Variants in ERMP1 observed in about 807,000 individuals in gnomAD.
ERMP1 encodes the protein Felix-ina.
A neutral mutation model predicts 92.0 loss-of-function variants in ERMP1; 86 were observed. The ratio of observed to expected loss-of-function variants is 0.93; its 90% CI spans 0.79 to 1.12. ERMP1 has a LOEUF of 1.12. ERMP1 is among the 50% of genes most tolerant of loss of function. The pLI is 0.00. For missense variants in ERMP1, 1,342 were observed against 1,116.3 expected, an observed-to-expected ratio of 1.20 and a Z score of -2.88; for synonymous variants, 530 against 412.8, an observed-to-expected ratio of 1.28 and a Z score of -3.44.
chr9:5,866,542 T>C (rs1830669126), intron 5 of ERMP1, among the ~76,000 whole-genome samples: 1 of 152,162 alleles, frequency 6.6e-6, no homozygotes, highest in Admixed American at 6.5e-5. Flanking sequence ...ACACAGATTA[T>C]CTCACCTCCC....
At position 5,861,611 on chromosome 9, in the gene ERMP1, C is replaced by A. The variant is rs905723587; in HGVS notation, n.3056-2000G>T. Among the ~76,000 whole-genome samples the A allele has an allele frequency of 7.9e-5, 12 of 150,946 alleles. No homozygotes were observed. In the Admixed American group the frequency reaches 8.0e-4, roughly 10 times the overall value. The stretch of plus-strand genomic sequence containing the variant: ...CAAGACAGGGCCTCTGGAAACCTGG[C>A]AAGAGACGGAGATGGAAAGTACTAA... On this transcript the variant is annotated intron_variant and non_coding_transcript_variant, in intron 5 of 6. Coordinates refer to the ERMP1 transcript ENST00000690753.
chr9:5,813,599 G>C (rs1297697393), intron 4 of ERMP1, among the ~76,000 whole-genome samples: 3 of 151,924 alleles, frequency 2.0e-5, no homozygotes, highest in Non-Finnish European at 4.4e-5. Context: ...GAACATTTTT[G>C]AGCATCATGT....
At position 5,810,185 on chromosome 9, in the gene ERMP1, C is replaced by A; in HGVS notation, c.1374G>T (p.Leu458Phe). The change falls in exon 8 of 15, where the codon TTG becomes TTT. Residue 458 changes from leucine to phenylalanine, a missense_variant. Transcript: ENST00000339450. ...TAACAAGGCTAGTGAACCAGCTGAT[C>A]AAAGTGATGCCAAGTCCACACAAGA... ...KDFLCGLGIT[L>F]ISWFTSLVTV... The A allele has an allele frequency of 6.2e-7, 1 of 1,614,032 alleles. No homozygotes were observed. The highest frequency in any genetic ancestry group is 1.1e-5 in the South Asian group (1 of 91,066).
At chr9:5,811,567 C>T (rs777131318) in intron 6 of ERMP1, among the ~76,000 whole-genome samples, 1 of 152,200 alleles carries the variant, frequency 6.6e-6, no homozygotes, top group Non-Finnish European at 1.5e-5. Context: ...TTCCTCTCCA[C>T]TCAGACGCTC....
chr9:5,851,624 C>T (rs1830307789), intron 6 of ERMP1, among the ~76,000 whole-genome samples: 1 of 152,164 alleles, frequency 6.6e-6, no homozygotes, highest in Non-Finnish European at 1.5e-5. Context: ...CTTAAAGGAA[C>T]TTCCTTCTAT....
intron 5 of ERMP1, among the ~76,000 whole-genome samples, chr9:5,812,433 A>G (rs1291149135): frequency 2.0e-5 from 3 of 152,216 alleles, no homozygotes; most frequent in Non-Finnish European, 4.4e-5. Context: ...TTGAAGAAGT[A>G]TATTACTCCA....
intron 10 of ERMP1, among the ~76,000 whole-genome samples, chr9:5,801,844 A>C (rs1168408498): frequency 6.6e-6 from 1 of 152,262 alleles, no homozygotes; most frequent in African/African-American, 2.4e-5. Context: ...ATTACAAAGT[A>C]ATATTATCCC....
At chr9:5,795,471 G>T (rs1431924624) in intron 13 of ERMP1, among the ~76,000 whole-genome samples, 1 of 152,176 alleles carries the variant, frequency 6.6e-6, no homozygotes, top group Non-Finnish European at 1.5e-5. Flanking sequence ...TGATAAGATT[G>T]TCTATTCATA....
intron 9 of ERMP1, 24 bp from the exon 10 acceptor site, chr9:5,805,241 A>T: frequency 6.4e-7 from 1 of 1,563,510 alleles, no homozygotes; most frequent in South Asian, 1.1e-5. Flanking sequence ...GAAAAAAAGC[A>T]CACATCTATG....
chr9:5,813,832 T>C lies in ERMP1; in HGVS notation c.875-797A>G, dbSNP rs1412092423. Among the ~76,000 whole-genome samples, 6 of 149,814 alleles carry C rather than the reference T, an allele frequency of 4.0e-5. No homozygotes were observed. The South Asian group carries it at 1.3e-3, about 31-fold the overall frequency. ...TCAAATGGGAGTTTTTCCTGTAGGA[T>C]AGTGGGATACATTGTTTTATAATTT... is the stretch of plus-strand genomic sequence containing the variant. On this transcript the variant is annotated intron_variant, in intron 4 of 14. Transcript: ENST00000339450.
intron 11 of ERMP1, among the ~76,000 whole-genome samples, chr9:5,800,278 A>G (rs1210522058): frequency 6.6e-6 from 1 of 152,194 alleles, no homozygotes; most frequent in Non-Finnish European, 1.5e-5. Context: ...ATTTAGAAAA[A>G]CTAACAATTT....
chr9:5,787,362 C>G, intron 14 of ERMP1, 54 bp from the exon 15 acceptor site: 1 of 1,602,378 alleles, frequency 6.2e-7, no homozygotes, highest in Non-Finnish European at 8.5e-7. Context: ...AATACTGAAC[C>G]CAAGGTTCTT....
At position 5,824,007 on chromosome 9, in the gene ERMP1, A is replaced by G. The variant is rs755986417; in HGVS notation, c.769-6T>C. 6.9e-6 allele frequency: 11 copies of G among 1,598,138 alleles called. No individual in the cohort carries two copies. The highest frequency in any genetic ancestry group is 5.6e-5 in the South Asian group (5 of 88,956). ...GTAATGAAACCATGACTGGCCTTAA[A>G]GAGAAGGAAAGAAAACAAATATTTG... On this transcript the variant is annotated splice_region_variant and splice_polypyrimidine_tract_variant and intron_variant, in intron 3 of 14. Transcript: ENST00000339450.
At position 5,825,143 on chromosome 9, in the gene ERMP1, C is replaced by T; in HGVS notation, c.717G>A (p.Leu239=). The change falls in exon 3 of 15, where the codon TTG becomes TTA. Residue 239 remains leucine, a synonymous_variant. Transcript: ENST00000339450. ...LRVLSTSSEA[L]HHAVIFLFNG... is the part of the protein sequence containing the mutation. Reference sequence around the variant, plus strand: ...TAAAGAGAAATATGACAGCATGATGCAAGGCTTCTGAAGATGTTGACAAGA... The same window carrying T: ...TAAAGAGAAATATGACAGCATGATGTAAGGCTTCTGAAGATGTTGACAAGA... The T allele has an allele frequency of 6.2e-7, 1 of 1,614,084 alleles. No homozygotes were observed. The highest frequency in any genetic ancestry group is 2.2e-5 in the East Asian group (1 of 44,884).
chr9:5,836,545 G>A (rs1016008624), upstream of ERMP1, among the ~76,000 whole-genome samples: 1 of 152,240 alleles, frequency 6.6e-6, no homozygotes, highest in African/African-American at 2.4e-5. Context: ...GTTGCGGATA[G>A]CTTGGTTTTC....
At chr9:5,813,063 A>C in intron 4 of ERMP1, 28 bp from the exon 5 acceptor site, 1 of 1,596,894 alleles carries the variant, frequency 6.3e-7, no homozygotes, top group Non-Finnish European at 8.5e-7. Flanking sequence ...AACACAATAG[A>C]AGGTATTCCG....
intron 4 of ERMP1, among the ~76,000 whole-genome samples, chr9:5,813,545 T>G (rs1002369665): frequency 6.6e-6 from 1 of 152,134 alleles, no homozygotes; most frequent in Admixed American, 6.6e-5. Flanking sequence ...ATTATACTAG[T>G]AAGCATCCCT....
chr9:5,824,309 CA>C (rs1404930512), intron 3 of ERMP1, among the ~76,000 whole-genome samples: 1 of 152,158 alleles, frequency 6.6e-6, no homozygotes, highest in African/African-American at 2.4e-5. Context: ...CACGGTGGCT[CA>C]CACCTGTAAT....
chr9:5,856,302 G>C, intron 6 of ERMP1: 1 of 250,852 alleles, frequency 4.0e-6, no homozygotes, highest in Non-Finnish European at 8.2e-6. Context: ...TGCCATGTCA[G>C]TAACTTCGGT....
Sources: gnomAD v4.1 joint callset for allele counts (sites outside exome capture counted in the v4.1 genomes callset) on GRCh38, gnomAD v4.1.1 for gene constraint, MANE v1.5 for transcripts, NCBI Gene and HGNC (gene_info 2026-07-23, HGNC 2026-07-21) for gene names.